ZNF668: variants seen among roughly 807,000 people sequenced by gnomAD.
ZNF668 encodes the protein zinc finger protein 668.
A neutral mutation model predicts 40.3 loss-of-function variants in ZNF668; 10 were observed. The ratio of observed to expected loss-of-function variants is 0.25; its 90% CI spans 0.15 to 0.42. The LOEUF (loss-of-function observed/expected upper bound fraction) is 0.42, where lower values mean the gene tolerates loss of function less well. Among genes scored for constraint, ZNF668 ranks in the 10% least tolerant of loss-of-function variants. The probability of loss-of-function intolerance (pLI) is 1.00; values close to 1 mark genes in which losing one functional copy is unlikely to be tolerated. For missense variants in ZNF668, 749 were observed against 904.6 expected (o/e 0.83, Z 2.21); for synonymous variants, 428 against 384.6 (o/e 1.11, Z -1.32).
chr16:31,065,666 A>C (rs1219950765), intron 1 of ZNF668: 1 of 152,142 alleles, frequency 6.6e-6, no homozygotes, highest in Admixed American at 6.6e-5. Context: ...ATCCTGGCTA[A>C]CACAGTGAAA....
intron 2 of ZNF668, among the ~76,000 whole-genome samples, chr16:31,063,466 G>GA (rs76458108): frequency 1.5e-4 from 22 of 147,504 alleles, no homozygotes; most frequent in East Asian, 4.0e-4. Flanking sequence ...CTGAGAAAAA[G>GA]AAAAAAAAAA....
At chr16:31,068,237 AAAAT>A (rs1175664590) in intron 1 of ZNF668, among the ~76,000 whole-genome samples, 2 of 80,308 alleles carry the variant, frequency 2.5e-5, no homozygotes, top group African/African-American at 1.3e-4. Context: ...AAAAAAAAAA[AAAAT>A]ATATATATAT....
intron 1 of ZNF668, among the ~76,000 whole-genome samples, chr16:31,070,610 T>C (rs1171157615): frequency 6.6e-6 from 1 of 151,274 alleles, no homozygotes; most frequent in South Asian, 2.1e-4. Flanking sequence ...GCACCATCTC[T>C]GCTCACTCCA....
Position 31,061,793 on chromosome 16 carries a change from G to A in ZNF668, c.1135C>T (p.Leu379Phe). The A allele has an allele frequency of 6.2e-7, 1 of 1,612,370 alleles. No individual in the cohort carries two copies. Among genetic ancestry groups the A allele is most frequent in the Non-Finnish European group, 8.5e-7 (1 of 1,179,760 alleles). ...GAGTGCACCCGGCTATGCTTCGTGA[G>A]GCTGGCACGCTCGGCGAAGGCTCGC... is the stretch of plus-strand genomic sequence containing the variant. ...CGRAFAERAS[L>F]TKHSRVHSGE... is the part of the protein sequence containing the mutation. Residue 379 changes from leucine to phenylalanine, a missense_variant, in exon 3 of 3, where the codon CTC (leucine) becomes TTC (phenylalanine). Transcript: ENST00000300849. The surrounding 1 kb of genome is among the most constrained non-coding windows in gnomAD (Gnocchi z 7.7).
intron 1 of ZNF668, among the ~76,000 whole-genome samples, chr16:31,066,837 C>T (rs2056984514): frequency 4.6e-5 from 7 of 152,286 alleles, no homozygotes. Context: ...ATGAGGTACT[C>T]ACTACCTCTT....
chr16:31,069,770 ATTTTTTTTTT>A (rs57798819), intron 1 of ZNF668, among the ~76,000 whole-genome samples: 254 of 84,534 alleles, frequency 3.0e-3, no homozygotes, highest in African/African-American at 0.012. Flanking sequence ...ACGCCCGGCT[ATTTTTTTTTT>A]TTTTTTTTTT....
intron 1 of ZNF668, among the ~76,000 whole-genome samples, chr16:31,068,029 T>C (rs1488497916): frequency 6.6e-6 from 1 of 151,614 alleles, no homozygotes; most frequent in African/African-American, 2.4e-5. Context: ...CTGGCCCTTC[T>C]ACTGCCTCTT....
In ZNF668 at chr16:31,064,253, G is replaced by T; in HGVS notation, c.207C>A (p.Ala69=). 1 of 1,613,646 alleles carries T rather than the reference G, an allele frequency of 6.2e-7. No homozygotes were observed. Among genetic ancestry groups the T allele is most frequent in the African/African-American group, 1.3e-5 (1 of 75,076 alleles). Residue 69 remains alanine, a synonymous_variant, in exon 2 of 3, where the codon GCC becomes GCA. Transcript: ENST00000300849. ...CGGAGCCTGACACCTTCTCCCCACT[G>T]GCTTCCTCTGCCTTAGCTTCTGTCT... ...KPETEAKAEE[A]SGEKVSGSAA... is the part of the protein sequence containing the mutation.
At chr16:31,067,636 A>G (rs77628439) in intron 1 of ZNF668, among the ~76,000 whole-genome samples, 5,881 of 152,302 alleles carry the variant, frequency 0.039, 410 homozygotes, top group African/African-American at 0.13. Context: ...TCTTAGAGCC[A>G]GACACATTGC....
intron 1 of ZNF668, among the ~76,000 whole-genome samples, chr16:31,068,578 A>G (rs990345458): frequency 1.3e-5 from 2 of 149,976 alleles, no homozygotes; most frequent in Non-Finnish European, 3.0e-5. Flanking sequence ...CTGTATTTTA[A>G]ATACACTCTG....
chr16:31,072,372 T>C (rs1213167067), intron 1 of ZNF668, among the ~76,000 whole-genome samples: 3 of 152,158 alleles, frequency 2.0e-5, no homozygotes, highest in African/African-American at 7.2e-5. Context: ...CAATAACTGT[T>C]TATTAACTAA....
chr16:31,062,389 G>A, intron 2 of ZNF668, 109 bp from the exon 3 acceptor site: 1 of 1,435,194 alleles, frequency 7.0e-7, no homozygotes, highest in Admixed American at 2.7e-5. Context: ...GGGGGCCTAG[G>A]CTTAATCCCC....
In ZNF668 at chr16:31,073,020, G is replaced by C. The variant is rs1470370067; in HGVS notation, c.-23+639C>G. ...TCCCTTAAGTTTGTGGGAGTTTGAAGGGCGGTGGGGCCTACGAAGCGCGCC... is the reference window on the plus strand; with the variant it reads ...TCCCTTAAGTTTGTGGGAGTTTGAACGGCGGTGGGGCCTACGAAGCGCGCC... On this transcript the variant is annotated intron_variant, in intron 1 of 2. Coordinates refer to ENST00000300849, the MANE Select transcript of ZNF668 (RefSeq NM_024706.5). 2.6e-5 allele frequency: 4 copies of C among 152,270 alleles called. No homozygotes were observed. In the East Asian group the frequency reaches 7.7e-4, roughly 29 times the overall value. The allele number at this position is 152,270 out of a possible 1,614,324, so 9.4% of individuals were successfully genotyped here.
At chr16:31,064,562 C>T (rs756956526) in intron 1 of ZNF668, 81 bp from the exon 2 acceptor site, 3 of 1,582,282 alleles carry the variant, frequency 1.9e-6, no homozygotes, top group African/African-American at 1.3e-5. Flanking sequence ...ATCTCATCTG[C>T]ATTTCTCACC....
chr16:31,069,194 C>G (rs1354290753), intron 1 of ZNF668: 1 of 152,086 alleles, frequency 6.6e-6, no homozygotes, highest in Non-Finnish European at 1.5e-5. Flanking sequence ...TCCTGCCTAC[C>G]TGGGCAGATC....
chr16:31,068,239 A>AAAAAAAAATATATATATATAT (rs1473353128), intron 1 of ZNF668, among the ~76,000 whole-genome samples: 4 of 83,012 alleles, frequency 4.8e-5, no homozygotes, highest in African/African-American at 2.0e-4. Context: ...AAAAAAAAAA[A>AAAAAAAAATATATATATATAT]ATATATATAT....
At chr16:31,067,667 AT>A (rs1347152835) in intron 1 of ZNF668, among the ~76,000 whole-genome samples, 9 of 152,158 alleles carry the variant, frequency 5.9e-5, no homozygotes, top group Non-Finnish European at 1.3e-4. Context: ...GGTTTATTTA[AT>A]TTAATGTCTT....
At chr16:31,062,345 T>G (rs2056938075) in intron 2 of ZNF668, 65 bp from the exon 3 acceptor site, 1 of 1,518,690 alleles carries the variant, frequency 6.6e-7, no homozygotes, top group Non-Finnish European at 8.8e-7. Context: ...ACTGCCTGTC[T>G]GGGCTGTACT....
In ZNF668 at chr16:31,061,694, G is replaced by A. The variant is rs780665683; in HGVS notation, c.1234C>T (p.Arg412Trp). 1.2e-6 allele frequency: 2 copies of A among 1,613,582 alleles called. No homozygotes were observed. The highest frequency in any genetic ancestry group is 1.7e-6 in the Non-Finnish European group (2 of 1,179,912). ...VVSSSLRKHE[R>W]THRSSEAAGV... ...GCGGCCTCACTGCTTCGATGGGTCC[G>A]CTCGTGCTTCCTCAGGCTCGACGAC... Residue 412 changes from arginine to tryptophan, a missense_variant, in exon 3 of 3, where the codon CGG becomes TGG. By Grantham distance (101) the Arg-to-Trp change is moderately radical (BLOSUM62 -3). Around this residue, in one of 4 missense-constraint regions of ZNF668, gnomAD observed 310 missense variants for 355.1 expected, o/e 0.87. Coordinates refer to ENST00000300849, the MANE Select transcript of ZNF668 (RefSeq NM_024706.5). This position sits in a 1 kb window ranked among gnomAD's most constrained non-coding sequence, Gnocchi z 7.7.
Sources: gnomAD v4.1 joint callset for allele counts (sites outside exome capture counted in the v4.1 genomes callset) on GRCh38, gnomAD v4.1.1 for gene constraint, gnomAD v4.1.1 regional missense constraint, Gnocchi (gnomAD v3.1) non-coding constraint, MANE v1.5 for transcripts, NCBI Gene and HGNC (gene_info 2026-07-23, HGNC 2026-07-21) for gene names.